Variants in MFSD11 observed in about 807,000 individuals in gnomAD.
MFSD11 encodes the protein major facilitator superfamily domain containing 11.
Under a neutral mutation model 53.5 loss-of-function variants are expected in MFSD11, and 36 were observed. The ratio of observed to expected loss-of-function variants is 0.67; its 90% CI spans 0.52 to 0.89. The LOEUF (loss-of-function observed/expected upper bound fraction) is 0.89, where lower values mean the gene tolerates loss of function less well. MFSD11 is among the 40% of genes least tolerant of loss of function. The pLI, the probability that MFSD11 is intolerant of heterozygous loss-of-function variation, is 0.00. For synonymous variants in MFSD11, 186 were observed against 184.9 expected (o/e 1.01, Z -0.05); for missense variants, 530 against 543.9 (o/e 0.97, Z 0.25).
intron 8 of MFSD11, among the ~76,000 whole-genome samples, chr17:76,764,361 A>T (rs2080603763): frequency 1.3e-5 from 2 of 152,164 alleles, no homozygotes; most frequent in Admixed American, 1.3e-4. Flanking sequence ...GCACTCACTC[A>T]TCCTGCCTAA....
chr17:76,738,763 T>C (rs952947901), intron 1 of MFSD11, among the ~76,000 whole-genome samples, 175 bp from the exon 2 acceptor site: 3 of 152,234 alleles, frequency 2.0e-5, no homozygotes, highest in African/African-American at 4.8e-5. Flanking sequence ...CTCCCTGTCA[T>C]TGGTTTGCCT....
At chr17:76,742,552 G>A (rs1165192821) in intron 5 of MFSD11, among the ~76,000 whole-genome samples, 1 of 151,394 alleles carries the variant, frequency 6.6e-6, no homozygotes, top group African/African-American at 2.4e-5. Flanking sequence ...ACCTGGGCTG[G>A]AGTGCAATGG....
In MFSD11 at chr17:76,739,721, CG is replaced by C. The variant is rs529322633; in HGVS notation, c.152+729del. 7.8e-4 allele frequency among the ~76,000 whole-genome samples: 119 copies of C among 152,272 alleles called. No individual in the cohort carries two copies. The South Asian group carries it at 0.012, about 16-fold the overall frequency. ...TAGAGATTGGATCGTGGCACTCCCC[CG>C]CCCCCCACAAACCCATAACTCATAC... On this transcript the variant is annotated intron_variant, in intron 2 of 12. Transcript: ENST00000685175.
At chr17:76,791,580 G>A in the MFSD11 span, among the ~76,000 whole-genome samples, 1 of 148,802 alleles carries the variant, frequency 6.7e-6, no homozygotes, top group African/African-American at 2.5e-5. Flanking sequence ...GCGCTGGGGA[G>A]GTAGCCTGCT....
rs992132559 is a variant in MFSD11, at chr17:76,778,828, C to T, written c.*476C>T. On this transcript the variant is annotated 3_prime_UTR_variant, in exon 13 of 13. Coordinates refer to ENST00000685175, the MANE Select transcript of MFSD11 (RefSeq NM_001242532.5). Reference sequence around the variant, plus strand: ...AATAGCAAAGCTGGGTGTGGTGTTGCACCGCTATACTCCCAGCTGTTGGGG... The same window carrying T: ...AATAGCAAAGCTGGGTGTGGTGTTGTACCGCTATACTCCCAGCTGTTGGGG... 2 of 159,268 alleles carry T rather than the reference C, an allele frequency of 1.3e-5. No individual in the cohort carries two copies. The highest frequency in any genetic ancestry group is 4.8e-5 in the African/African-American group (2 of 41,456). 9.9% of individuals were successfully genotyped at this position (159,268 alleles called of 1,614,324 possible). A position where few individuals can be genotyped will look rare whatever the true frequency, so the allele number is the denominator to read the frequency against.
chr17:76,784,523 C>T (rs1435365352), downstream of MFSD11, among the ~76,000 whole-genome samples: 2 of 150,620 alleles, frequency 1.3e-5, no homozygotes, highest in East Asian at 3.9e-4. Context: ...CAGAGTGAGA[C>T]TCCATCTCAA....
the MFSD11 span, among the ~76,000 whole-genome samples, chr17:76,798,628 A>G: frequency 3.9e-5 from 6 of 152,162 alleles, no homozygotes; most frequent in East Asian, 1.2e-3. Flanking sequence ...GACAAAGACC[A>G]AATATATTTC....
At chr17:76,750,183 A>G (rs1241000736) in intron 7 of MFSD11, among the ~76,000 whole-genome samples, 2 of 152,054 alleles carry the variant, frequency 1.3e-5, no homozygotes, top group African/African-American at 4.8e-5. Flanking sequence ...TAAATCAGTT[A>G]ATTGGGGCCT....
rs143822818 is a variant in MFSD11, at chr17:76,756,615, C to T, written c.682+2528C>T. Among the ~76,000 whole-genome samples the T allele has an allele frequency of 7.7e-3, 1,177 of 152,086 alleles. 21 individuals carry two copies. Among genetic ancestry groups the T allele is most frequent in the African/African-American group, 0.027 (1,128 of 41,518 alleles). ...GTGGCTCATGCCTATAATGCCATCA[C>T]TTTGGGAGGCTGAGGTGGGAGGATC... On this transcript the variant is annotated intron_variant, in intron 8 of 12. Transcript: ENST00000685175.
the MFSD11 span, chr17:76,798,990 G>A: frequency 1.4e-5 from 2 of 140,164 alleles, no homozygotes; most frequent in Non-Finnish European, 3.0e-5. Flanking sequence ...TCGCACCAGT[G>A]TACTCCAGCC....
At chr17:76,798,843 C>T in the MFSD11 span, among the ~76,000 whole-genome samples, 166 of 151,770 alleles carry the variant, frequency 1.1e-3, 1 homozygote, top group East Asian at 0.017. Flanking sequence ...GCCTGACCAA[C>T]GTGGCAAAGC....
chr17:76,756,862 A>G (rs1317271365), intron 8 of MFSD11, among the ~76,000 whole-genome samples: 8 of 137,318 alleles, frequency 5.8e-5, no homozygotes, highest in African/African-American at 1.8e-4. Flanking sequence ...TCCATCTCAG[A>G]AAAAAAAAAA....
the MFSD11 span, among the ~76,000 whole-genome samples, chr17:76,794,676 ACT>A: frequency 6.4e-5 from 6 of 93,564 alleles, no homozygotes; most frequent in Admixed American, 1.3e-4. Flanking sequence ...AAGAAGATGT[ACT>A]CTTTTTTTTT....
upstream of MFSD11, chr17:76,736,879 G>C: frequency 6.2e-7 from 1 of 1,611,516 alleles, no homozygotes; most frequent in East Asian, 2.2e-5. Flanking sequence ...AGTCCGGGGG[G>C]CGGCCGTAGC....
chr17:76,737,345 G>T (rs1004191224), upstream of MFSD11: 248 of 735,816 alleles, frequency 3.4e-4, no homozygotes, highest in Non-Finnish European at 4.6e-5. Context: ...CGGGCAGCCG[G>T]CCTCTGCGCC....
At chr17:76,747,087 C>T (rs1281315219) in intron 7 of MFSD11, among the ~76,000 whole-genome samples, 3 of 151,864 alleles carry the variant, frequency 2.0e-5, no homozygotes, top group African/African-American at 7.3e-5. Context: ...TTTCAACTTT[C>T]AAGTCTTATT....
chr17:76,738,349 C>CA lies in MFSD11; in HGVS notation c.1dup. 1 of 1,613,296 alleles carries CA rather than the reference C, an allele frequency of 6.2e-7. No individual in the cohort carries two copies. Among genetic ancestry groups the CA allele is most frequent in the Non-Finnish European group, 8.5e-7 (1 of 1,179,278 alleles). On this transcript the variant is annotated 5_prime_UTR_variant, in exon 1 of 13. Coordinates refer to ENST00000685175, the MANE Select transcript of MFSD11 (RefSeq NM_001242532.5). ...GCTGCTGCCTCCGGCAGAGCTGAGC[C>CA]AAAATGTCCCCGGAATCTAAAAAGC...
intron 7 of MFSD11, among the ~76,000 whole-genome samples, chr17:76,751,563 G>C (rs956137522): frequency 1.3e-5 from 2 of 150,908 alleles, no homozygotes; most frequent in African/African-American, 4.9e-5. Flanking sequence ...CTACAGGCAT[G>C]GTGGTGCATG....
chr17:76,766,101 G>A (rs2144731097), intron 8 of MFSD11, among the ~76,000 whole-genome samples: 1 of 150,616 alleles, frequency 6.6e-6, no homozygotes, highest in East Asian at 1.9e-4. Context: ...CTTTTTGTTA[G>A]CTAAGTCTTC....
Sources: gnomAD v4.1 joint callset for allele counts (sites outside exome capture counted in the v4.1 genomes callset) on GRCh38, gnomAD v4.1.1 for gene constraint, MANE v1.5 for transcripts, NCBI Gene and HGNC (gene_info 2026-07-23, HGNC 2026-07-21) for gene names.